CSMD1: variants seen among roughly 807,000 people sequenced by gnomAD.
The protein encoded by CSMD1 is CUB and Sushi multiple domains 1, also known as CUB and sushi domain-containing protein 1.
In CSMD1, 213 loss-of-function variants were observed where a neutral mutation model predicts 417.5. The observed-to-expected ratio is 0.51, with a 90% CI of 0.46 to 0.57. The LOEUF (loss-of-function observed/expected upper bound fraction) is 0.57, where lower values mean the gene tolerates loss of function less well. Ranked by LOEUF, CSMD1 falls within the 20% of genes least tolerant of loss-of-function variation. The probability of loss-of-function intolerance (pLI) is 0.00; values close to 1 mark genes in which losing one functional copy is unlikely to be tolerated. For synonymous variants in CSMD1, 2,862 were observed against 1,736.8 expected, an observed-to-expected ratio of 1.65 and a Z score of -16.11; for missense variants, 6,923 against 4,529.7, an observed-to-expected ratio of 1.53 and a Z score of -15.17.
chr8:3,629,044 G>T (rs1328779306), intron 7 of CSMD1, among the ~76,000 whole-genome samples: 3 of 152,108 alleles, frequency 2.0e-5, no homozygotes, highest in Non-Finnish European at 4.4e-5. Context: ...GGAATTCCAA[G>T]CCTTGGGGAA....
chr8:4,837,947 G>A (rs1011448212), intron 1 of CSMD1, among the ~76,000 whole-genome samples: 2 of 152,004 alleles, frequency 1.3e-5, no homozygotes, highest in Non-Finnish European at 2.9e-5. Flanking sequence ...ACACAATCTA[G>A]CAATGCTCAC....
intron 7 of CSMD1, among the ~76,000 whole-genome samples, chr8:3,689,338 T>G (rs550304533): frequency 4.6e-5 from 7 of 152,288 alleles, no homozygotes; most frequent in African/African-American, 1.4e-4. Flanking sequence ...AACTCCAGTA[T>G]TGTCCTCCCC....
At chr8:3,667,966 C>T (rs1381203001) in intron 7 of CSMD1, among the ~76,000 whole-genome samples, 2 of 152,160 alleles carry the variant, frequency 1.3e-5, no homozygotes, top group East Asian at 1.9e-4. Context: ...CTGCGTCTTT[C>T]TAACAGAGCC....
intron 53 of CSMD1, among the ~76,000 whole-genome samples, chr8:2,999,100 C>T (rs901272569): frequency 4.6e-5 from 7 of 151,480 alleles, no homozygotes; most frequent in Admixed American, 1.3e-4. Context: ...TGAAGTTATA[C>T]AGCTCAAGGT....
intron 25 of CSMD1, among the ~76,000 whole-genome samples, chr8:3,293,824 A>G (rs1480323591): frequency 6.6e-6 from 1 of 152,170 alleles, no homozygotes; most frequent in Non-Finnish European, 1.5e-5. Flanking sequence ...TTCTTCTCTC[A>G]ACTTGTCAAA....
chr8:3,542,440 G>C (rs565278227), intron 10 of CSMD1, among the ~76,000 whole-genome samples: 23 of 152,300 alleles, frequency 1.5e-4, no homozygotes, highest in Non-Finnish European at 2.9e-5. Flanking sequence ...ATGTGCGTTA[G>C]GGAATGAAAC....
chr8:4,561,000 G>C (rs1156781664), intron 2 of CSMD1, among the ~76,000 whole-genome samples: 1 of 152,180 alleles, frequency 6.6e-6, no homozygotes, highest in Non-Finnish European at 1.5e-5. Flanking sequence ...GTCTTACACA[G>C]TGCTTTGTGT....
At chr8:4,477,578 G>A (rs1260588899) in intron 2 of CSMD1, among the ~76,000 whole-genome samples, 1 of 152,104 alleles carries the variant, frequency 6.6e-6, no homozygotes, top group Non-Finnish European at 1.5e-5. Context: ...TTTAAAAATT[G>A]CGAGTTGAGA....
At chr8:4,864,638 A>T (rs1450469880) in intron 1 of CSMD1, among the ~76,000 whole-genome samples, 1 of 151,704 alleles carries the variant, frequency 6.6e-6, no homozygotes, top group Non-Finnish European at 1.5e-5. Flanking sequence ...AATTGTATTC[A>T]ATGAATACAC....
chr8:3,041,084 T>A (rs996367840), intron 50 of CSMD1, among the ~76,000 whole-genome samples: 2 of 152,158 alleles, frequency 1.3e-5, no homozygotes, highest in East Asian at 3.8e-4. Flanking sequence ...TTAACCAACA[T>A]GAAAATGGCT....
chr8:4,251,610 A>G (rs754298487), intron 3 of CSMD1, among the ~76,000 whole-genome samples: 11 of 152,190 alleles, frequency 7.2e-5, no homozygotes, highest in Non-Finnish European at 1.5e-4. Flanking sequence ...GACAGGTTTC[A>G]TGTCTGGATA....
At chr8:4,548,248 G>A (rs979924853) in intron 2 of CSMD1, among the ~76,000 whole-genome samples, 1 of 152,132 alleles carries the variant, frequency 6.6e-6, no homozygotes, top group South Asian at 2.1e-4. Flanking sequence ...GTGCAAAAAT[G>A]AAGTTATCTT....
At chr8:4,621,029 A>T (rs563988738) in intron 2 of CSMD1, among the ~76,000 whole-genome samples, 11 of 152,190 alleles carry the variant, frequency 7.2e-5, no homozygotes, top group Middle Eastern at 3.4e-3. Flanking sequence ...ATCAAAAATG[A>T]AAAATCCATT....
At chr8:3,999,120 A>T (rs1216404746) in intron 4 of CSMD1, among the ~76,000 whole-genome samples, 1 of 151,400 alleles carries the variant, frequency 6.6e-6, no homozygotes, top group African/African-American at 2.4e-5. Context: ...CATGTTTTTT[A>T]AAATTTCTTC....
chr8:4,372,491 C>CAA (rs141342544), intron 3 of CSMD1, among the ~76,000 whole-genome samples: 11,132 of 151,458 alleles, frequency 0.073, 510 homozygotes, highest in African/African-American at 0.13. Flanking sequence ...AAAACAACAA[C>CAA]AACAAAAAAC....
At position 3,520,020 on chromosome 8, in the gene CSMD1, C is replaced by CTATATATATATA. The variant is rs33939239; in HGVS notation, c.1345-26306_1345-26295dup. Reference sequence around the variant, plus strand: ...TATATATGTGTGTGTGTGTATATACCTATATATATATATATATATACACGT... The same window carrying CTATATATATATA: ...TATATATGTGTGTGTGTGTATATACCTATATATATATATATATATATATATATATATACACGT... On this transcript the variant is annotated intron_variant, in intron 10 of 69. Transcript: ENST00000635120. Among the ~76,000 whole-genome samples the CTATATATATATA allele has an allele frequency of 7.7e-4, 106 of 137,600 alleles. 2 individuals are homozygous for CTATATATATATA. Among genetic ancestry groups the CTATATATATATA allele is most frequent in the African/African-American group, 3.1e-3 (104 of 33,884 alleles). The allele number at this position is 137,600 out of a possible 152,430, so 90.3% of individuals were successfully genotyped here. A position where few individuals can be genotyped will look rare whatever the true frequency, so the allele number is the denominator to read the frequency against.
At chr8:2,969,323 G>C (rs1240316792) in intron 57 of CSMD1, among the ~76,000 whole-genome samples, 1 of 152,058 alleles carries the variant, frequency 6.6e-6, no homozygotes, top group African/African-American at 2.4e-5. Flanking sequence ...AGAATTAAGA[G>C]TTCCCTAATA....
chr8:4,882,755 C>G (rs771760940), intron 1 of CSMD1, among the ~76,000 whole-genome samples: 1 of 151,786 alleles, frequency 6.6e-6, no homozygotes, highest in Admixed American at 6.6e-5. Flanking sequence ...TAATAATTAT[C>G]TTTTAAAAAA....
chr8:4,113,636 C>T (rs1317450945), intron 3 of CSMD1, among the ~76,000 whole-genome samples: 1 of 152,062 alleles, frequency 6.6e-6, no homozygotes, highest in African/African-American at 2.4e-5. Context: ...GAACTCCTGA[C>T]CTCCTGATCC....
Sources: gnomAD v4.1 joint callset for allele counts (sites outside exome capture counted in the v4.1 genomes callset) on GRCh38, gnomAD v4.1.1 for gene constraint, MANE v1.5 for transcripts, NCBI Gene and HGNC (gene_info 2026-07-23, HGNC 2026-07-21) for gene names.